The following DEPTOR variants were observed in gnomAD, a reference collection of about 807,000 sequenced individuals.
The protein encoded by DEPTOR is DEP domain containing MTOR interacting protein, also known as DEP domain-containing mTOR-interacting protein.
Under a neutral mutation model 41.6 loss-of-function variants are expected in DEPTOR, and 41 were observed. The observed-to-expected ratio is 0.98, with a 90% CI of 0.77 to 1.28. DEPTOR has a LOEUF of 1.28. Ranked by LOEUF, DEPTOR falls within the 50% of genes most tolerant of loss-of-function variation. DEPTOR has a pLI of 0.00. For synonymous variants in DEPTOR, 195 were observed against 192.3 expected (o/e 1.01, Z -0.12); for missense variants, 514 against 527.9 (o/e 0.97, Z 0.26).
chr8:120,033,741 G>A (rs1812931328), intron 8 of DEPTOR, among the ~76,000 whole-genome samples: 1 of 152,136 alleles, frequency 6.6e-6, no homozygotes, highest in Non-Finnish European at 1.5e-5. Context: ...CCACATCCAC[G>A]TTTTAATTGC....
intron 1 of DEPTOR, among the ~76,000 whole-genome samples, chr8:119,882,003 G>C (rs946690238): frequency 1.3e-5 from 2 of 152,116 alleles, no homozygotes; most frequent in African/African-American, 4.8e-5. Context: ...TGATTGTCCC[G>C]CCTCAGCGTC....
intron 3 of DEPTOR, among the ~76,000 whole-genome samples, chr8:119,944,216 G>A (rs567842764): frequency 1.3e-5 from 2 of 152,300 alleles, no homozygotes; most frequent in East Asian, 3.9e-4. Context: ...CACTTGGAAA[G>A]TGAGACGAGT....
At chr8:119,992,840 T>C (rs1231892248) in intron 4 of DEPTOR, among the ~76,000 whole-genome samples, 1 of 151,908 alleles carries the variant, frequency 6.6e-6, no homozygotes, top group East Asian at 1.9e-4. Context: ...TGTTTTTACC[T>C]GAGACAGGGT....
intron 3 of DEPTOR, 112 bp from the exon 4 acceptor site, chr8:119,965,120 C>T (rs1042464407): frequency 1.7e-5 from 20 of 1,163,602 alleles, no homozygotes; most frequent in Non-Finnish European, 2.4e-5. Flanking sequence ...CTGACAGCTG[C>T]ATCTGTCTGT....
At chr8:119,875,307 G>T (rs10110216) in intron 1 of DEPTOR, among the ~76,000 whole-genome samples, 73,137 of 151,832 alleles carry the variant, frequency 0.48, 19,288 homozygotes, top group East Asian at 0.92. Context: ...TGGGGAAGGG[G>T]TTGTTTTATA....
In DEPTOR at chr8:120,049,571, T is replaced by A. The variant is rs1813201386; in HGVS notation, c.1102-5T>A. 6.2e-7 allele frequency: 1 copy of A among 1,612,934 alleles called. No individual in the cohort carries two copies. Among genetic ancestry groups the A allele is most frequent in the Non-Finnish European group, 8.5e-7 (1 of 1,179,300 alleles). On this transcript the variant is annotated splice_polypyrimidine_tract_variant and splice_region_variant and intron_variant, in intron 8 of 8. Transcript: ENST00000286234. Reference sequence around the variant, plus strand: ...AGATGCTCTTTCTTTGCATCTTTCCTTTAGGTCTGTCAGTTTGTCGTCTCT... The same window carrying A: ...AGATGCTCTTTCTTTGCATCTTTCCATTAGGTCTGTCAGTTTGTCGTCTCT...
intron 8 of DEPTOR, among the ~76,000 whole-genome samples, chr8:120,020,266 G>C (rs890662834): frequency 1.3e-5 from 2 of 152,062 alleles, no homozygotes; most frequent in Admixed American, 1.3e-4. Context: ...ATTTTTAGTA[G>C]AGACGGGGTT....
At chr8:119,996,011 C>T (rs1812253383) in intron 4 of DEPTOR, among the ~76,000 whole-genome samples, 1 of 152,064 alleles carries the variant, frequency 6.6e-6, no homozygotes, top group Non-Finnish European at 1.5e-5. Flanking sequence ...TAATGAAAGA[C>T]AGAAAAAAGG....
At chr8:119,946,482 C>T (rs532523755) in intron 3 of DEPTOR, among the ~76,000 whole-genome samples, 11 of 151,066 alleles carry the variant, frequency 7.3e-5, no homozygotes, top group Non-Finnish European at 1.2e-4. Context: ...TGGCTCATGC[C>T]TGTAATCCCA....
intron 1 of DEPTOR, among the ~76,000 whole-genome samples, chr8:119,891,441 T>C (rs2129716399): frequency 6.6e-6 from 1 of 152,280 alleles, no homozygotes; most frequent in South Asian, 2.1e-4. Flanking sequence ...CACAGCAATG[T>C]CCTTCATTGG....
chr8:119,953,703 G>C (rs1049469307), intron 3 of DEPTOR, among the ~76,000 whole-genome samples: 1 of 151,994 alleles, frequency 6.6e-6, no homozygotes, highest in Non-Finnish European at 1.5e-5. Context: ...ATTCTTCTTG[G>C]CCTTTCTGAG....
chr8:119,938,607 G>A (rs530547127), intron 3 of DEPTOR, among the ~76,000 whole-genome samples: 171 of 152,140 alleles, frequency 1.1e-3, no homozygotes, highest in African/African-American at 4.0e-3. Flanking sequence ...CTGCCTCCTG[G>A]GTTCAAGTGA....
intron 4 of DEPTOR, among the ~76,000 whole-genome samples, chr8:119,981,254 C>G (rs1828763376): frequency 6.6e-6 from 1 of 152,158 alleles, no homozygotes; most frequent in Admixed American, 6.5e-5. Flanking sequence ...TCTACACTAC[C>G]AATTATATTT....
intron 4 of DEPTOR, among the ~76,000 whole-genome samples, chr8:120,000,754 C>T (rs1047463735): frequency 1.3e-5 from 2 of 151,894 alleles, no homozygotes; most frequent in African/African-American, 4.8e-5. Flanking sequence ...TGAGCCACCG[C>T]ACCTGGCCTC....
chr8:119,933,376 G>A lies in DEPTOR; in HGVS notation c.425+3438G>A, dbSNP rs1176532393. On this transcript the variant is annotated intron_variant, in intron 3 of 8. Coordinates refer to ENST00000286234, the MANE Select transcript of DEPTOR (RefSeq NM_022783.4). ...GTGGTGGCTGGCACCTGTAATCCCA[G>A]CTACTTGGGAGGCTGAGAGGCAGGA... Among the ~76,000 whole-genome samples, 4 of 151,414 alleles carry A rather than the reference G, an allele frequency of 2.6e-5. No homozygotes were observed. In the East Asian group the frequency reaches 7.8e-4, roughly 30 times the overall value.
At chr8:120,035,047 G>A (rs902017452) in intron 8 of DEPTOR, among the ~76,000 whole-genome samples, 24 of 152,226 alleles carry the variant, frequency 1.6e-4, no homozygotes, top group Admixed American at 1.3e-3. Flanking sequence ...GCCAGGCACA[G>A]TGGCTCATGC....
chr8:119,923,241 A>T (rs578234422), intron 1 of DEPTOR, among the ~76,000 whole-genome samples: 4 of 151,572 alleles, frequency 2.6e-5, no homozygotes, highest in African/African-American at 9.7e-5. Context: ...TTATTTGTTT[A>T]TTATTTATTT....
intron 6 of DEPTOR, among the ~76,000 whole-genome samples, chr8:120,006,530 A>G (rs1180917872): frequency 5.9e-5 from 9 of 151,966 alleles, no homozygotes; most frequent in Admixed American, 3.9e-4. Context: ...GTCTTTAAAA[A>G]AAAAAAAAAA....
intron 4 of DEPTOR, among the ~76,000 whole-genome samples, chr8:119,995,396 G>A (rs1039985876): frequency 6.6e-6 from 1 of 152,032 alleles, no homozygotes; most frequent in Non-Finnish European, 1.5e-5. Context: ...GACCAGCCTG[G>A]CCAACATGGT....
Sources: gnomAD v4.1 joint callset for allele counts (sites outside exome capture counted in the v4.1 genomes callset) on GRCh38, gnomAD v4.1.1 for gene constraint, MANE v1.5 for transcripts, NCBI Gene and HGNC (gene_info 2026-07-23, HGNC 2026-07-21) for gene names.